SEMA6D: variants seen among roughly 807,000 people sequenced by gnomAD.
SEMA6D encodes semaphorin-6D.
A neutral mutation model predicts 106.6 loss-of-function variants in SEMA6D; 35 were observed. The ratio of observed to expected loss-of-function variants is 0.33; its 90% CI spans 0.25 to 0.44. The LOEUF is 0.44. Ranked by LOEUF, SEMA6D falls within the 20% of genes least tolerant of loss-of-function variation. The pLI, the probability that SEMA6D is intolerant of heterozygous loss-of-function variation, is 1.00. For missense variants in SEMA6D, 1,185 were observed against 1,345.9 expected (o/e 0.88, Z 1.87); for synonymous variants, 499 against 487.7 (o/e 1.02, Z -0.31).
intron 2 of SEMA6D, 185 bp downstream of exon 2, chr15:47,760,092 T>C (rs2081978389): frequency 3.1e-6 from 2 of 642,080 alleles, no homozygotes; most frequent in Admixed American, 2.9e-5. Context: ...GTTGGGTGCT[T>C]TTCTACAGCA....
chr15:47,583,577 GC>G (rs763093797), intron 3 of SEMA6D, among the ~76,000 whole-genome samples: 1 of 152,104 alleles, frequency 6.6e-6, no homozygotes, highest in Non-Finnish European at 1.5e-5. Context: ...CCTAGACATG[GC>G]CCTCTTTTAA....
intron 2 of SEMA6D, among the ~76,000 whole-genome samples, chr15:47,463,215 A>AT (rs1208734379): frequency 6.6e-6 from 1 of 152,126 alleles, no homozygotes; most frequent in African/African-American, 2.4e-5. Context: ...TGAACTCTGC[A>AT]TGAAGCTTGT....
intron 9 of SEMA6D, 127 bp downstream of exon 9, chr15:47,763,231 G>T (rs894838317): frequency 1.9e-4 from 115 of 601,742 alleles, no homozygotes; most frequent in Non-Finnish European, 6.2e-5. Context: ...AGGGCCAACT[G>T]CAGAGAGGTG....
intron 4 of SEMA6D, among the ~76,000 whole-genome samples, chr15:47,601,097 T>TGA (rs144757309): frequency 0.034 from 5,038 of 148,172 alleles, 270 homozygotes; most frequent in African/African-American, 0.12. Context: ...AGAGAGAGAA[T>TGA]GAGAGAGAGA....
At chr15:47,752,021 G>T (rs1050992558) in intron 1 of SEMA6D, among the ~76,000 whole-genome samples, 14 of 152,178 alleles carry the variant, frequency 9.2e-5, no homozygotes, top group African/African-American at 3.1e-4. Context: ...AAGCACAAGA[G>T]GGATAGAGGC....
chr15:47,660,825 G>A (rs2077902856), intron 4 of SEMA6D, among the ~76,000 whole-genome samples: 1 of 152,096 alleles, frequency 6.6e-6, no homozygotes, highest in African/African-American at 2.4e-5. Context: ...CAGCATAAGG[G>A]AGCACGTTTT....
At chr15:47,421,563 G>A (rs1305229299) in intron 2 of SEMA6D, among the ~76,000 whole-genome samples, 1 of 151,902 alleles carries the variant, frequency 6.6e-6, no homozygotes, top group African/African-American at 2.4e-5. Context: ...TGTTTCTCTG[G>A]CATCTGCAAC....
intron 1 of SEMA6D, among the ~76,000 whole-genome samples, chr15:47,267,198 T>G (rs1323680234): frequency 6.6e-6 from 1 of 152,158 alleles, no homozygotes; most frequent in Middle Eastern, 3.2e-3. Context: ...TGCACTTGAA[T>G]GAGATTAGAC....
intron 1 of SEMA6D, among the ~76,000 whole-genome samples, chr15:47,236,803 C>G (rs572160161): frequency 7.2e-5 from 11 of 152,240 alleles, no homozygotes; most frequent in Non-Finnish European, 1.2e-4. Context: ...AGGGGAAGGA[C>G]ATAGATTATG....
At chr15:47,424,754 T>C (rs1321557049) in intron 2 of SEMA6D, among the ~76,000 whole-genome samples, 2 of 152,092 alleles carry the variant, frequency 1.3e-5, no homozygotes, top group African/African-American at 4.8e-5. Context: ...CTTCTGAAGG[T>C]TCAAGTCTTC....
chr15:47,207,989 GCGCGCACACACACACA>G (rs1367419690), intron 1 of SEMA6D, among the ~76,000 whole-genome samples: 45 of 62,254 alleles, frequency 7.2e-4, no homozygotes, highest in African/African-American at 2.6e-3. Context: ...CCACTGGCGC[GCGCGCACACACACACA>G]CACACACACA....
chr15:47,559,051 G>A (rs2142617487), intron 3 of SEMA6D, among the ~76,000 whole-genome samples: 2 of 152,146 alleles, frequency 1.3e-5, no homozygotes, highest in South Asian at 4.1e-4. Context: ...ATTTTGAATG[G>A]ATAGATTAAG....
intron 3 of SEMA6D, among the ~76,000 whole-genome samples, chr15:47,556,316 T>C (rs1255322683): frequency 1.3e-5 from 2 of 152,204 alleles, no homozygotes; most frequent in Non-Finnish European, 2.9e-5. Flanking sequence ...ATAATTTTTC[T>C]AGTTGTAATC....
chr15:47,764,874 C>A lies in SEMA6D; in HGVS notation c.1254-9C>A, dbSNP rs558421220. The stretch of plus-strand genomic sequence containing the variant: ...CTCCCCTTCTGATCTGTGCCGCCTC[C>A]TCTTGTAGGTACAGACTGACGGCCA... On this transcript the variant is annotated splice_polypyrimidine_tract_variant and intron_variant, in intron 12 of 18. Transcript: ENST00000536845. The A allele has an allele frequency of 6.2e-7, 1 of 1,613,642 alleles. No homozygotes were observed. Among genetic ancestry groups the A allele is most frequent in the Non-Finnish European group, 8.5e-7 (1 of 1,179,778 alleles).
chr15:47,415,271 T>C (rs1039162834), intron 2 of SEMA6D, among the ~76,000 whole-genome samples: 10 of 152,176 alleles, frequency 6.6e-5, no homozygotes, highest in Non-Finnish European at 1.3e-4. Flanking sequence ...CTATTTTTAG[T>C]GTTCTTAATG....
At chr15:47,207,980 C>A (rs963127620) in intron 1 of SEMA6D, among the ~76,000 whole-genome samples, 1 of 142,372 alleles carries the variant, frequency 7.0e-6, no homozygotes, top group Non-Finnish European at 1.5e-5. Context: ...GTACAGTAGC[C>A]ACTGGCGCGC....
chr15:47,655,539 G>A lies in SEMA6D; in HGVS notation c.-55+54643G>A, dbSNP rs62000830. ...AAAATCAATATCTTGTTTTAAGTGA[G>A]CATTGCACCTTATTTTAAATATTGC... On this transcript the variant is annotated intron_variant, in intron 4 of 19. Coordinates refer to the SEMA6D transcript ENST00000558014. 7.8e-3 allele frequency among the ~76,000 whole-genome samples: 1,181 copies of A among 152,320 alleles called. 10 individuals are homozygous for A. Among genetic ancestry groups the A allele is most frequent in the Middle Eastern group, 0.017 (5 of 294 alleles).
chr15:47,316,146 G>A (rs2036668875), intron 1 of SEMA6D, among the ~76,000 whole-genome samples: 1 of 102,408 alleles, frequency 9.8e-6, no homozygotes, highest in African/African-American at 4.3e-5. Context: ...AGGCTGGAGT[G>A]CAGTAGTGTG....
At chr15:47,387,873 C>T (rs1176248659) in intron 1 of SEMA6D, among the ~76,000 whole-genome samples, 1 of 152,094 alleles carries the variant, frequency 6.6e-6, no homozygotes. Context: ...GAGTAGCACC[C>T]TCATAGTGTT....
Sources: allele counts gnomAD v4.1 joint callset (sites outside exome capture counted in the v4.1 genomes callset), GRCh38; gene constraint gnomAD v4.1.1; transcripts MANE v1.5; gene names NCBI Gene and HGNC (gene_info 2026-07-23, HGNC 2026-07-21).